Variants in MAP3K1 observed in about 807,000 individuals in gnomAD.
MAP3K1 encodes the protein mitogen-activated protein kinase kinase kinase 1.
A neutral mutation model predicts 144.2 loss-of-function variants in MAP3K1; 36 were observed. That is an observed-to-expected ratio of 0.25 (90% CI 0.19 to 0.33). The LOEUF (loss-of-function observed/expected upper bound fraction) is 0.33, where lower values mean the gene tolerates loss of function less well. Ranked by LOEUF, MAP3K1 falls within the 10% of genes least tolerant of loss-of-function variation. MAP3K1 has a pLI of 1.00. For synonymous variants in MAP3K1, 718 were observed against 688.7 expected, an observed-to-expected ratio of 1.04 and a Z score of -0.67; for missense variants, 1,650 against 1,881.9, an observed-to-expected ratio of 0.88 and a Z score of 2.28.
At chr5:56,889,054 T>G (rs1178480374) in intron 19 of MAP3K1, among the ~76,000 whole-genome samples, 2 of 152,248 alleles carry the variant, frequency 1.3e-5, no homozygotes, top group African/African-American at 4.8e-5. Flanking sequence ...TGTGTTTATA[T>G]GTATATGTAT....
chr5:56,868,309 T>G (rs1219647927), intron 6 of MAP3K1, among the ~76,000 whole-genome samples: 1 of 152,246 alleles, frequency 6.6e-6, no homozygotes, highest in East Asian at 1.9e-4. Context: ...TAATTTTGCT[T>G]CAGAAAAAAC....
intron 1 of MAP3K1, among the ~76,000 whole-genome samples, chr5:56,826,312 CGA>C (rs1470867246): frequency 6.6e-6 from 1 of 152,134 alleles, no homozygotes; most frequent in East Asian, 1.9e-4. Flanking sequence ...ACAAGTTCCT[CGA>C]TATCTGAGTT....
chr5:56,866,463 A>T lies in MAP3K1; in HGVS notation c.1301+486A>T, dbSNP rs192845687. On this transcript the variant is annotated intron_variant, in intron 6 of 19. Transcript: ENST00000399503. ...TATGTATGTATGTATGTTAAAGGTC[A>T]TGTGAGTGTGTGTGTGTATATAGAC... Among the ~76,000 whole-genome samples, 6 of 152,236 alleles carry T rather than the reference A, an allele frequency of 3.9e-5. No homozygotes were observed. The East Asian group carries it at 1.2e-3, about 29-fold the overall frequency.
chr5:56,883,754 G>T, intron 15 of MAP3K1, 75 bp downstream of exon 15: 1 of 1,472,884 alleles, frequency 6.8e-7, no homozygotes, highest in Non-Finnish European at 9.5e-7. Context: ...AAGAATAAAG[G>T]ATATGTCCAC....
At chr5:56,848,244 A>T (rs1298995687) in intron 1 of MAP3K1, among the ~76,000 whole-genome samples, 3 of 152,186 alleles carry the variant, frequency 2.0e-5, no homozygotes, top group Admixed American at 6.5e-5. Flanking sequence ...AGTAATAAAA[A>T]CTTTCGAATA....
chr5:56,860,115 G>A (rs1248114995), intron 3 of MAP3K1, among the ~76,000 whole-genome samples, 200 bp downstream of exon 3: 2 of 152,058 alleles, frequency 1.3e-5, no homozygotes, highest in Admixed American at 1.3e-4. Flanking sequence ...AAACTGGGAT[G>A]TTGTTTGCCT....
At chr5:56,892,480 T>C (rs1199334569) in intron 19 of MAP3K1, among the ~76,000 whole-genome samples, 1 of 151,978 alleles carries the variant, frequency 6.6e-6, no homozygotes, top group Admixed American at 6.5e-5. Flanking sequence ...AGAAAAAAAA[T>C]TGATAACAAT....
chr5:56,881,946 T>C lies in MAP3K1; in HGVS notation c.2746T>C (p.Cys916Arg), dbSNP rs752895247. 2 of 1,518,122 alleles carry C rather than the reference T, an allele frequency of 1.3e-6. No individual in the cohort carries two copies. Among genetic ancestry groups the C allele is most frequent in the African/African-American group, 2.7e-5 (2 of 72,880 alleles). 94.0% of individuals were successfully genotyped at this position (1,518,122 alleles called of 1,614,324 possible). A position where few individuals can be genotyped will look rare whatever the true frequency, so the allele number is the denominator to read the frequency against. ...TTTAGAGAAAACTGGAAAAGGATTATGTGCTACAAAATTGAGTGCCAGTTC... is the reference window on the plus strand; with the variant it reads ...TTTAGAGAAAACTGGAAAAGGATTACGTGCTACAAAATTGAGTGCCAGTTC... ...VHLEKTGKGL[C>R]ATKLSASSED... Residue 916 changes from cysteine to arginine, a missense_variant, in exon 14 of 20, where the codon TGT becomes CGT. By Grantham distance (180) the Cys-to-Arg change is radical. Coordinates refer to ENST00000399503, the MANE Select transcript of MAP3K1 (RefSeq NM_005921.2).
In MAP3K1 at chr5:56,884,846, T is replaced by G. The variant is rs1349014340; in HGVS notation, c.3982+20T>G. 6.2e-7 allele frequency: 1 copy of G among 1,606,624 alleles called. No homozygotes were observed. The highest frequency in any genetic ancestry group is 8.5e-7 in the Non-Finnish European group (1 of 1,173,896). On this transcript the variant is annotated intron_variant, in intron 16 of 19. Coordinates refer to ENST00000399503, the MANE Select transcript of MAP3K1 (RefSeq NM_005921.2). ...TGGCAGGTATGTTAATGTTTTAAAT[T>G]ACAAAATAGTAGTACGTGGATTTAA...
chr5:56,879,183 C>T (rs368432499), intron 11 of MAP3K1, 82 bp downstream of exon 11: 1 of 1,458,946 alleles, frequency 6.9e-7, no homozygotes. Context: ...GTGTGAATAT[C>T]TGATACATTT....
At chr5:56,816,585 C>T (rs1452263318) in intron 1 of MAP3K1, among the ~76,000 whole-genome samples, 2 of 152,206 alleles carry the variant, frequency 1.3e-5, no homozygotes, top group East Asian at 3.9e-4. Context: ...CCGTGACAGG[C>T]AGAGCCCCTC....
intron 6 of MAP3K1, among the ~76,000 whole-genome samples, chr5:56,867,960 G>A (rs832577): frequency 0.5 from 75,291 of 151,952 alleles, 21,146 homozygotes; most frequent in Non-Finnish European, 0.65. Context: ...GGAAAATGTC[G>A]ATAAGTAAAA....
At chr5:56,873,074 C>T in intron 9 of MAP3K1, 69 bp downstream of exon 9, 1 of 1,404,514 alleles carries the variant, frequency 7.1e-7, no homozygotes, top group Admixed American at 1.9e-5. Flanking sequence ...TTGTCTCCTT[C>T]CCTCAGTTGT....
At chr5:56,820,673 A>C (rs949224046) in intron 1 of MAP3K1, 4 of 985,286 alleles carry the variant, frequency 4.1e-6, no homozygotes, top group African/African-American at 1.7e-5. Flanking sequence ...GTAATCACAC[A>C]GGAAGAGAAA....
intron 11 of MAP3K1, 101 bp downstream of exon 11, chr5:56,879,202 G>C: frequency 7.3e-7 from 1 of 1,376,036 alleles, no homozygotes; most frequent in South Asian, 1.2e-5. Context: ...TTTATTAAAT[G>C]AGTCTTTGAA....
rs974448060 is a variant in MAP3K1, at chr5:56,821,979, C to T, written c.482+5924C>T. On this transcript the variant is annotated intron_variant, in intron 1 of 19. Transcript: ENST00000399503. ...TCTAGCTTAAGACGAGTTTTGAAGG[C>T]AAGAACTGTCTTTTTTTAGGAGTTT... Among the ~76,000 whole-genome samples the T allele has an allele frequency of 6.6e-5, 10 of 152,224 alleles. No homozygotes were observed. The East Asian group carries it at 1.9e-3, about 29-fold the overall frequency.
chr5:56,892,723 A>G (rs1488571206), intron 19 of MAP3K1, among the ~76,000 whole-genome samples: 3 of 152,206 alleles, frequency 2.0e-5, no homozygotes, highest in African/African-American at 7.2e-5. Flanking sequence ...AGAAGAAGAA[A>G]ATTGATACCA....
intron 19 of MAP3K1, among the ~76,000 whole-genome samples, chr5:56,892,724 A>T (rs1284934203): frequency 6.6e-6 from 1 of 152,200 alleles, no homozygotes; most frequent in Non-Finnish European, 1.5e-5. Context: ...GAAGAAGAAA[A>T]TTGATACCAC....
rs962942686 is a variant in MAP3K1, at chr5:56,883,532, A to G, written c.3672A>G (p.Pro1224=). The G allele has an allele frequency of 3.1e-6, 5 of 1,613,956 alleles. No homozygotes were observed. Among genetic ancestry groups the G allele is most frequent in the Admixed American group, 1.7e-5 (1 of 60,000 alleles). The stretch of plus-strand genomic sequence containing the variant: ...TGCTTTCGTTTAATATGTAGACACC[A>G]GAGACTCTACCAGGACATACCAAAG... ...EDIIIIQQDT[P]ETLPGHTKAK... is the part of the protein sequence containing the mutation. Residue 1224 remains proline, a synonymous_variant, in exon 15 of 20, where the codon CCA becomes CCG. Coordinates refer to ENST00000399503, the MANE Select transcript of MAP3K1 (RefSeq NM_005921.2).
Sources: gnomAD v4.1 joint callset for allele counts (sites outside exome capture counted in the v4.1 genomes callset) on GRCh38, gnomAD v4.1.1 for gene constraint, MANE v1.5 for transcripts, NCBI Gene and HGNC (gene_info 2026-07-23, HGNC 2026-07-21) for gene names.